NCK2: variants seen among roughly 807,000 people sequenced by gnomAD.
NCK2 encodes the protein cytoplasmic protein NCK2.
In NCK2, 16 loss-of-function variants were observed where a neutral mutation model predicts 33.9. The ratio of observed to expected loss-of-function variants is 0.47; its 90% confidence interval spans 0.32 to 0.72. NCK2 has a LOEUF of 0.72. Ranked by LOEUF, NCK2 falls within the 30% of genes least tolerant of loss-of-function variation. NCK2 has a pLI of 0.03. For synonymous variants in NCK2, 273 were observed against 239.9 expected (o/e 1.14, Z -1.27); for missense variants, 418 against 537.3 (o/e 0.78, Z 2.19).
chr2:105,824,223 G>A (rs1277804919), intron 2 of NCK2, among the ~76,000 whole-genome samples: 3 of 152,272 alleles, frequency 2.0e-5, no homozygotes, highest in Middle Eastern at 3.4e-3. Flanking sequence ...TGCCCCGTCC[G>A]TAAATGTCAC....
At chr2:105,823,955 G>A (rs1016555106) in intron 2 of NCK2, among the ~76,000 whole-genome samples, 1 of 152,064 alleles carries the variant, frequency 6.6e-6, no homozygotes. Flanking sequence ...ACAACCCATG[G>A]TCCGGAGCAG....
At chr2:105,764,283 T>C (rs1429099058) in intron 1 of NCK2, among the ~76,000 whole-genome samples, 1 of 152,156 alleles carries the variant, frequency 6.6e-6, no homozygotes, top group Non-Finnish European at 1.5e-5. Context: ...ACCCTGCAGG[T>C]TAAGGAGAGC....
chr2:105,866,313 G>C (rs529487313), intron 3 of NCK2, among the ~76,000 whole-genome samples: 12 of 152,320 alleles, frequency 7.9e-5, no homozygotes, highest in African/African-American at 2.9e-4. Flanking sequence ...GGTTGACATT[G>C]TGTCTCTTTT....
intron 1 of NCK2, among the ~76,000 whole-genome samples, chr2:105,747,543 A>T (rs1386845988): frequency 6.6e-6 from 1 of 152,234 alleles, no homozygotes; most frequent in Admixed American, 6.5e-5. Flanking sequence ...TCTGACATTA[A>T]AAATGAGGCT....
chr2:105,842,180 G>A (rs551546436), intron 2 of NCK2, among the ~76,000 whole-genome samples: 12 of 152,138 alleles, frequency 7.9e-5, no homozygotes, highest in African/African-American at 2.9e-4. Flanking sequence ...CTGCCTCCCG[G>A]TTTCAAGTGA....
At chr2:105,843,673 C>T (rs2099211) in intron 2 of NCK2, among the ~76,000 whole-genome samples, 141,922 of 152,308 alleles carry the variant, frequency 0.93, 66,208 homozygotes, top group East Asian at 0.98. Flanking sequence ...TGGAACAATT[C>T]AAGAAAAAGC....
At chr2:105,778,877 T>A (rs1426220140) in intron 1 of NCK2, among the ~76,000 whole-genome samples, 1 of 152,104 alleles carries the variant, frequency 6.6e-6, no homozygotes, top group Non-Finnish European at 1.5e-5. Context: ...CACACACCAC[T>A]ATACCAGGCT....
chr2:105,879,188 G>T (rs1354160892), intron 3 of NCK2, among the ~76,000 whole-genome samples: 1 of 152,192 alleles, frequency 6.6e-6, no homozygotes, highest in Non-Finnish European at 1.5e-5. Context: ...GTTTGCAAAG[G>T]TCTATTAAAA....
At chr2:105,791,466 G>A (rs1036424389) in intron 1 of NCK2, among the ~76,000 whole-genome samples, 3 of 152,174 alleles carry the variant, frequency 2.0e-5, no homozygotes, top group African/African-American at 4.8e-5. Flanking sequence ...CCCTCGCCCC[G>A]TTGCCGTGCT....
intron 1 of NCK2, among the ~76,000 whole-genome samples, chr2:105,760,293 T>G (rs373961795): frequency 9.3e-4 from 141 of 152,214 alleles, no homozygotes; most frequent in Non-Finnish European, 1.4e-3. Context: ...CAGCATGGGG[T>G]TTCCAGAATG....
At chr2:105,871,252 T>C (rs1323969971) in intron 3 of NCK2, among the ~76,000 whole-genome samples, 1 of 151,948 alleles carries the variant, frequency 6.6e-6, no homozygotes, top group African/African-American at 2.4e-5. Context: ...GATGGTGAGC[T>C]GAGCACCAGT....
chr2:105,799,001 C>A (rs1264721648), intron 1 of NCK2, among the ~76,000 whole-genome samples: 2 of 152,034 alleles, frequency 1.3e-5, no homozygotes, highest in African/African-American at 4.8e-5. Flanking sequence ...CCCTTTTCAT[C>A]AGTTTGAAGG....
Position 105,881,986 on chromosome 2 carries a change from C to T in NCK2, c.885C>T (p.Ala295=), listed in dbSNP as rs776163110. 1.4e-5 allele frequency: 21 copies of T among 1,512,836 alleles called. No individual in the cohort carries two copies. The highest frequency in any genetic ancestry group is 2.7e-5 in the South Asian group (2 of 74,930). The allele number at this position is 1,512,836 out of a possible 1,614,324, so 93.7% of individuals were successfully genotyped here. ...WYYGNVTRHQ[A]ECALNERGVE... ...ACGGGAACGTGACGCGGCACCAGGC[C>T]GAGTGCGCCCTCAACGAGCGGGGCG... The change falls in exon 4 of 5, where the codon GCC becomes GCT. Residue 295 remains alanine, a synonymous_variant. Coordinates refer to ENST00000233154, the MANE Select transcript of NCK2 (RefSeq NM_003581.5).
chr2:105,823,750 A>T (rs988391112), intron 2 of NCK2, among the ~76,000 whole-genome samples: 16 of 152,138 alleles, frequency 1.1e-4, no homozygotes, highest in Admixed American at 5.2e-4. Flanking sequence ...GGAAAGTAAA[A>T]TATGCCTTCT....
At chr2:105,766,214 G>A (rs955495243) in intron 1 of NCK2, among the ~76,000 whole-genome samples, 1 of 152,174 alleles carries the variant, frequency 6.6e-6, no homozygotes, top group Non-Finnish European at 1.5e-5. Context: ...CGGGAATGTG[G>A]GGACTTCCCA....
intron 1 of NCK2, among the ~76,000 whole-genome samples, chr2:105,809,373 G>A (rs1215169946): frequency 6.6e-6 from 1 of 152,200 alleles, no homozygotes; most frequent in African/African-American, 2.4e-5. Context: ...TCACAGTTCT[G>A]AAGGCTGGAA....
At chr2:105,847,469 C>T (rs904774894) in intron 2 of NCK2, among the ~76,000 whole-genome samples, 17 of 151,608 alleles carry the variant, frequency 1.1e-4, no homozygotes, top group East Asian at 1.9e-4. Flanking sequence ...TGGTGAATGC[C>T]GCTGTAGGGT....
At chr2:105,835,408 T>TATATATATATATATATATACACACATAC (rs1553458610) in intron 2 of NCK2, among the ~76,000 whole-genome samples, 2 of 41,270 alleles carry the variant, frequency 4.8e-5, no homozygotes. Context: ...TATATATACG[T>TATATATATATATATATATACACACATAC]GTATATATAT....
intron 1 of NCK2, among the ~76,000 whole-genome samples, chr2:105,773,354 C>T (rs1270560285): frequency 2.0e-5 from 3 of 152,214 alleles, no homozygotes; most frequent in South Asian, 4.2e-4. Context: ...CCTGTCTTCT[C>T]GCCGTCTGGT....
Sources: allele counts gnomAD v4.1 joint callset (sites outside exome capture counted in the v4.1 genomes callset), GRCh38; gene constraint gnomAD v4.1.1; transcripts MANE v1.5; gene names NCBI Gene and HGNC (gene_info 2026-07-23, HGNC 2026-07-21).